COLEC12: variants seen among roughly 807,000 people sequenced by gnomAD.
The protein encoded by COLEC12 is collectin-12.
In COLEC12, 33 loss-of-function variants were observed where a neutral mutation model predicts 71.1. The ratio of observed to expected loss-of-function variants is 0.46; its 90% CI spans 0.35 to 0.62. COLEC12 has a LOEUF of 0.62. COLEC12 is among the 20% of genes least tolerant of loss of function. COLEC12 has a pLI of 0.00. For missense variants in COLEC12, 765 were observed against 916.1 expected, an observed-to-expected ratio of 0.84 and a Z score of 2.13; for synonymous variants, 350 against 353.0, an observed-to-expected ratio of 0.99 and a Z score of 0.10.
In COLEC12 at chr18:465,436, CCTTT is replaced by C. The variant is rs759363049; in HGVS notation, c.58+15267_58+15270del. On this transcript the variant is annotated intron_variant, in intron 2 of 9. Coordinates refer to ENST00000400256, the MANE Select transcript of COLEC12 (RefSeq NM_130386.3). ...ATGAAAAGTTTGTGTTTCACATTCT[CCTTT>C]CTGAGTTTCTGCCCCATCACTTGAA... 1.9e-3 allele frequency among the ~76,000 whole-genome samples: 295 copies of C among 152,284 alleles called. 1 individual carries two copies. Among genetic ancestry groups the C allele is most frequent in the Non-Finnish European group, 3.2e-3 (215 of 68,016 alleles).
intron 2 of COLEC12, among the ~76,000 whole-genome samples, chr18:385,992 TA>T (rs1391363005): frequency 1.3e-5 from 2 of 152,276 alleles, no homozygotes; most frequent in East Asian, 3.9e-4. Context: ...AGATGTCCTT[TA>T]AGGTTGATCT....
chr18:491,451 A>G lies in COLEC12; in HGVS notation c.7+9057T>C, dbSNP rs765187538. Among the ~76,000 whole-genome samples, 30 of 152,344 alleles carry G rather than the reference A, an allele frequency of 2.0e-4. No individual in the cohort carries two copies. The East Asian group carries it at 3.5e-3, about 18-fold the overall frequency. On this transcript the variant is annotated intron_variant, in intron 1 of 9. Coordinates refer to ENST00000400256, the MANE Select transcript of COLEC12 (RefSeq NM_130386.3). Reference sequence around the variant, plus strand: ...CTCAGTCTCCTATAAGCTGGAACCAATGATTCCTATCTCACACATTTTGGG... The same window carrying G: ...CTCAGTCTCCTATAAGCTGGAACCAGTGATTCCTATCTCACACATTTTGGG...
At position 334,827 on chromosome 18, in the gene COLEC12, C is replaced by G; in HGVS notation, c.1731G>C (p.Lys577Asn). The change falls in exon 6 of 10, where the codon AAG becomes AAC. Residue 577 changes from lysine to asparagine, a missense_variant. Physicochemically the swap from Lys to Asn is moderately conservative, Grantham distance 94 (BLOSUM62 0). Coordinates refer to ENST00000400256, the MANE Select transcript of COLEC12 (RefSeq NM_130386.3). ...LPGVPGMPGPKGPPGPPGPSG... is the reference protein window; with the variant it reads ...LPGVPGMPGPNGPPGPPGPSG... Reference sequence around the variant, plus strand: ...ATGGGCCAGGAGGGCCGGGGGGGCCCTTGGGGCCTGGCATGCCTGGTACCC... The same window carrying G: ...ATGGGCCAGGAGGGCCGGGGGGGCCGTTGGGGCCTGGCATGCCTGGTACCC... 1 of 1,521,692 alleles carries G rather than the reference C, an allele frequency of 6.6e-7. No individual in the cohort carries two copies. Among genetic ancestry groups the G allele is most frequent in the Admixed American group, 2.5e-5 (1 of 39,844 alleles). 94.3% of individuals were successfully genotyped at this position (1,521,692 alleles called of 1,614,324 possible). A position where few individuals can be genotyped will look rare whatever the true frequency, so the allele number is the denominator to read the frequency against.
At chr18:391,742 G>A (rs1344492144) in intron 2 of COLEC12, among the ~76,000 whole-genome samples, 2 of 152,120 alleles carry the variant, frequency 1.3e-5, no homozygotes, top group African/African-American at 2.4e-5. Context: ...TTTTTTAGAT[G>A]TTTAATGAAA....
rs187081678 is a variant in COLEC12 at position 326,608 on chromosome 18, C to A, written c.2064-4801G>T. 4.2e-3 allele frequency among the ~76,000 whole-genome samples: 644 copies of A among 152,320 alleles called. 6 individuals carry two copies. The highest frequency in any genetic ancestry group is 0.015 in the African/African-American group (610 of 41,572). On this transcript the variant is annotated intron_variant, in intron 8 of 9. Transcript: ENST00000400256. ...AGGTGATCCACCTGCCTTGGCCCCC[C>A]AAAGTGTTGGGATTACAGGCGTGAG...
At chr18:470,764 G>A (rs559380356) in intron 2 of COLEC12, among the ~76,000 whole-genome samples, 47 of 152,132 alleles carry the variant, frequency 3.1e-4, no homozygotes, top group African/African-American at 1.1e-3. Flanking sequence ...CTAAAACAAC[G>A]AACTAAACAT....
rs71361502 is a variant in COLEC12 at position 318,488 on chromosome 18, GTT to G, written c.*1555_*1556del. ...AAAGGAAGATGGGCTCAGAGGAAAGGTTTTTTTTTTTTTTTTTTTTTTGAGAT... is the reference window on the plus strand; with the variant it reads ...AAAGGAAGATGGGCTCAGAGGAAAGGTTTTTTTTTTTTTTTTTTTTGAGAT... On this transcript the variant is annotated 3_prime_UTR_variant, in exon 10 of 10. Transcript: ENST00000400256. The G allele has an allele frequency of 0.052, 5,164 of 98,802 alleles. 90 individuals carry two copies. Among genetic ancestry groups the G allele is most frequent in the Middle Eastern group, 0.12 (15 of 120 alleles). 6.1% of individuals were successfully genotyped at this position (98,802 alleles called of 1,614,324 possible).
intron 2 of COLEC12, among the ~76,000 whole-genome samples, chr18:453,896 C>G (rs1444359959): frequency 6.6e-6 from 1 of 152,222 alleles, no homozygotes; most frequent in Non-Finnish European, 1.5e-5. Context: ...CATCAGCAAG[C>G]CTGGTCAGCT....
chr18:490,493 A>G (rs1917600771), intron 1 of COLEC12, among the ~76,000 whole-genome samples: 1 of 152,218 alleles, frequency 6.6e-6, no homozygotes, highest in Admixed American at 6.5e-5. Context: ...CTGGGTAGGA[A>G]ACTGCTGTTT....
chr18:436,105 T>C (rs1361623764), intron 2 of COLEC12, among the ~76,000 whole-genome samples: 1 of 152,246 alleles, frequency 6.6e-6, no homozygotes, highest in Non-Finnish European at 1.5e-5. Flanking sequence ...TGCTTCTTGC[T>C]TCTTGGTCAA....
chr18:330,206 C>T (rs540849987), intron 8 of COLEC12, among the ~76,000 whole-genome samples: 72 of 152,346 alleles, frequency 4.7e-4, no homozygotes, highest in Non-Finnish European at 6.3e-4. Context: ...CACATGCACA[C>T]GCACATAGGG....
At chr18:455,343 T>C (rs1047630526) in intron 2 of COLEC12, among the ~76,000 whole-genome samples, 3 of 146,898 alleles carry the variant, frequency 2.0e-5, no homozygotes, top group African/African-American at 7.5e-5. Flanking sequence ...AGTGGCACAA[T>C]CTCAGCTCAC....
chr18:439,696 C>T (rs1402497339), intron 2 of COLEC12, among the ~76,000 whole-genome samples: 2 of 151,974 alleles, frequency 1.3e-5, no homozygotes, highest in African/African-American at 2.4e-5. Flanking sequence ...TAACAAATGT[C>T]GTCAAGGGTG....
chr18:334,708 T>C (rs1914064818), intron 6 of COLEC12, 34 bp downstream of exon 6: 4 of 1,453,006 alleles, frequency 2.8e-6, no homozygotes, highest in East Asian at 2.7e-5. Flanking sequence ...TGCACTGCCC[T>C]GTCCCCCTGG....
chr18:320,360 C>T (rs1270286819), intron 9 of COLEC12, among the ~76,000 whole-genome samples: 2 of 152,164 alleles, frequency 1.3e-5, no homozygotes, highest in Non-Finnish European at 2.9e-5. Context: ...TTGTCACCAT[C>T]AATTATAATC....
intron 1 of COLEC12, among the ~76,000 whole-genome samples, chr18:498,409 G>C (rs1468485573): frequency 6.9e-6 from 1 of 144,288 alleles, no homozygotes; most frequent in Non-Finnish European, 1.5e-5. Flanking sequence ...ACCCAGGCTG[G>C]AGTGCAATGG....
chr18:436,536 G>A (rs1461394552), intron 2 of COLEC12, among the ~76,000 whole-genome samples: 2 of 137,330 alleles, frequency 1.5e-5, no homozygotes, highest in Non-Finnish European at 3.2e-5. Flanking sequence ...GGGGGGGGGG[G>A]GGGAAACAGG....
intron 2 of COLEC12, among the ~76,000 whole-genome samples, chr18:476,927 C>G (rs1202864812): frequency 6.6e-6 from 1 of 152,178 alleles, no homozygotes. Flanking sequence ...AAAATGCTCA[C>G]TTAATTAACC....
chr18:459,563 C>T lies in COLEC12; in HGVS notation c.58+21144G>A, dbSNP rs889486511. Among the ~76,000 whole-genome samples, 33 of 152,256 alleles carry T rather than the reference C, an allele frequency of 2.2e-4. No individual in the cohort carries two copies. In the South Asian group the frequency reaches 3.3e-3, roughly 15 times the overall value. On this transcript the variant is annotated intron_variant, in intron 2 of 9. Transcript: ENST00000400256. ...GCATTTATGACCATTTTTGTCTACC[C>T]TAAAACTCTACTAAAGCCAGGTCCA...
Sources: gnomAD v4.1 joint callset for allele counts (sites outside exome capture counted in the v4.1 genomes callset) on GRCh38, gnomAD v4.1.1 for gene constraint, MANE v1.5 for transcripts, NCBI Gene and HGNC (gene_info 2026-07-23, HGNC 2026-07-21) for gene names.